Variants in LIN52 observed in about 807,000 individuals in gnomAD.
LIN52 encodes the protein lin-52 DREAM MuvB core complex component.
LIN52 carries 4 observed loss-of-function variants against 18.5 expected under a neutral mutation model. The observed-to-expected ratio is 0.22, with a 90% confidence interval of 0.11 to 0.49. The LOEUF (loss-of-function observed/expected upper bound fraction) is 0.49, where lower values mean the gene tolerates loss of function less well. LIN52 is among the 20% of genes least tolerant of loss of function. The pLI is 0.97. For synonymous variants in LIN52, 34 were observed against 45.5 expected, an observed-to-expected ratio of 0.75 and a Z score of 1.02; for missense variants, 102 against 139.5, an observed-to-expected ratio of 0.73 and a Z score of 1.35.
chr14:74,171,317 A>C (rs1442932843), intron 5 of LIN52, among the ~76,000 whole-genome samples: 1 of 151,700 alleles, frequency 6.6e-6, no homozygotes, highest in Non-Finnish European at 1.5e-5. Flanking sequence ...GTGAGCTACA[A>C]TTGTAACACT....
chr14:74,114,440 A>T (rs2060951155), intron 5 of LIN52: 1 of 985,170 alleles, frequency 1.0e-6, no homozygotes, highest in African/African-American at 1.7e-5. Flanking sequence ...AATGGGAAGA[A>T]GTGCACTGAC....
intron 2 of LIN52, among the ~76,000 whole-genome samples, chr14:74,092,883 C>T (rs2060782793): frequency 6.6e-6 from 1 of 151,560 alleles, no homozygotes; most frequent in South Asian, 2.1e-4. Flanking sequence ...CACTATTGCA[C>T]TCGAGCCTGG....
intron 5 of LIN52, among the ~76,000 whole-genome samples, chr14:74,163,752 A>G (rs1443576346): frequency 1.3e-5 from 2 of 152,194 alleles, no homozygotes; most frequent in Admixed American, 1.3e-4. Flanking sequence ...AAAGTGAGGA[A>G]AGCCAAGAAC....
intron 2 of LIN52, 124 bp from the exon 3 acceptor site, chr14:74,095,824 G>A: frequency 1.6e-6 from 1 of 614,290 alleles, no homozygotes; most frequent in Non-Finnish European, 2.7e-6. Context: ...TATAGTTATT[G>A]GTTTATTCTT....
rs151061646 is a variant in LIN52, at chr14:74,097,837, G to A, written c.176G>A (p.Arg59His). The change falls in exon 4 of 6, where the codon CGT (arginine) becomes CAT (histidine). Residue 59 changes from arginine (R) to histidine (H), a missense_variant. Transcript: ENST00000555028. Reference protein sequence around the residue: ...SPPKWMAEIERDDIDMLKELG... With the variant: ...SPPKWMAEIEHDDIDMLKELG... ...CCCAAATGGATGGCTGAGATAGAACGTGATGACATCGACATGTTGAAAGGT... is the reference window on the plus strand; with the variant it reads ...CCCAAATGGATGGCTGAGATAGAACATGATGACATCGACATGTTGAAAGGT... 1.4e-5 allele frequency: 23 copies of A among 1,613,090 alleles called. No homozygotes were observed. Among genetic ancestry groups the A allele is most frequent in the Admixed American group, 3.3e-5 (2 of 60,010 alleles).
At position 74,134,795 on chromosome 14, in the gene LIN52, G is replaced by A. The variant is rs74062582; in HGVS notation, c.283+33557G>A. On this transcript the variant is annotated intron_variant, in intron 5 of 5. Transcript: ENST00000555028. ...CTTTCTCATCTGCTTAAGGTGGTGT[G>A]CCCACAACCATTTACCATGAGAAAG... 6.8e-3 allele frequency among the ~76,000 whole-genome samples: 1,038 copies of A among 152,198 alleles called. 16 individuals carry two copies. The highest frequency in any genetic ancestry group is 0.024 in the African/African-American group (988 of 41,514).
chr14:74,093,098 C>T (rs963529166), intron 2 of LIN52, among the ~76,000 whole-genome samples: 1 of 151,244 alleles, frequency 6.6e-6, no homozygotes, highest in African/African-American at 2.4e-5. Flanking sequence ...ATTATAGGTG[C>T]CCGCCACAAT....
intron 1 of LIN52, 198 bp downstream of exon 1, chr14:74,085,191 G>T (rs1020454570): frequency 7.1e-6 from 3 of 422,740 alleles, no homozygotes; most frequent in African/African-American, 2.0e-5. Flanking sequence ...CAGTTTCCCC[G>T]CTCTGTACCA....
intron 4 of LIN52, among the ~76,000 whole-genome samples, chr14:74,098,884 A>G (rs114442911): frequency 0.019 from 2,828 of 152,286 alleles, 57 homozygotes; most frequent in African/African-American, 0.05. Flanking sequence ...TCTTTCCATT[A>G]TAACACAAGT....
intron 2 of LIN52, among the ~76,000 whole-genome samples, chr14:74,095,292 G>A (rs1174868620): frequency 1.3e-5 from 2 of 149,186 alleles, no homozygotes; most frequent in East Asian, 2.0e-4. Flanking sequence ...ACATCACTAC[G>A]CCTGGCTAAA....
intron 5 of LIN52, among the ~76,000 whole-genome samples, chr14:74,111,990 C>G (rs772723043): frequency 1.3e-5 from 2 of 152,062 alleles, no homozygotes; most frequent in African/African-American, 2.4e-5. Flanking sequence ...AAGCTATTCT[C>G]CTGCCTCAGC....
intron 5 of LIN52, among the ~76,000 whole-genome samples, chr14:74,183,829 T>C (rs2061329987): frequency 1.3e-5 from 2 of 152,134 alleles, no homozygotes. Flanking sequence ...AGATCCCCCC[T>C]TTTTTGAAAC....
At chr14:74,104,065 A>AT (rs2060881313) in intron 5 of LIN52, among the ~76,000 whole-genome samples, 2 of 151,286 alleles carry the variant, frequency 1.3e-5, no homozygotes, top group Non-Finnish European at 2.9e-5. Flanking sequence ...TGCCTGGCTA[A>AT]TTTTTGTATT....
chr14:74,120,740 G>GTGAGA (rs2060994280), intron 5 of LIN52, among the ~76,000 whole-genome samples: 1 of 148,220 alleles, frequency 6.7e-6, no homozygotes, highest in East Asian at 2.0e-4. Context: ...GGGCAACAGA[G>GTGAGA]TGAGACTCCC....
At chr14:74,193,269 A>T (rs1050927649) in intron 5 of LIN52, among the ~76,000 whole-genome samples, 3 of 151,930 alleles carry the variant, frequency 2.0e-5, no homozygotes, top group African/African-American at 7.3e-5. Flanking sequence ...AAAGAAAAAA[A>T]TTAGCCAGGT....
intron 5 of LIN52, among the ~76,000 whole-genome samples, chr14:74,138,627 C>A (rs74401058): frequency 0.023 from 3,451 of 152,042 alleles, 35 homozygotes; most frequent in African/African-American, 0.029. Flanking sequence ...GTGGCTCAAG[C>A]CTGTAGTCTC....
intron 5 of LIN52, among the ~76,000 whole-genome samples, chr14:74,130,467 A>G (rs139792394): frequency 6.6e-6 from 1 of 150,770 alleles, no homozygotes; most frequent in African/African-American, 2.4e-5. Flanking sequence ...TAGTAGAGAC[A>G]GGGTTTCATC....
intron 5 of LIN52, among the ~76,000 whole-genome samples, chr14:74,175,182 C>T (rs2061287544): frequency 6.6e-6 from 1 of 151,990 alleles, no homozygotes; most frequent in Admixed American, 6.6e-5. Flanking sequence ...ACACTGTACA[C>T]TTAGGCTATA....
intron 5 of LIN52, among the ~76,000 whole-genome samples, chr14:74,150,133 A>G (rs1285995279): frequency 6.6e-6 from 1 of 152,148 alleles, no homozygotes; most frequent in Admixed American, 6.5e-5. Flanking sequence ...CCTCTACCCT[A>G]TGCCTCAGTA....
Sources: allele counts gnomAD v4.1 joint callset (sites outside exome capture counted in the v4.1 genomes callset), GRCh38; gene constraint gnomAD v4.1.1; transcripts MANE v1.5; gene names NCBI Gene and HGNC (gene_info 2026-07-23, HGNC 2026-07-21).